Variants in TCF4 observed in about 807,000 individuals in gnomAD.
TCF4 encodes the protein transcription factor 4.
TCF4 carries 3 observed loss-of-function variants against 82.1 expected under a neutral mutation model. The observed-to-expected ratio is 0.04, with a 90% CI of 0.02 to 0.09. The LOEUF (loss-of-function observed/expected upper bound fraction) is 0.09, where lower values mean the gene tolerates loss of function less well. TCF4 is among the 10% of genes least tolerant of loss of function. The pLI is 1.00. For missense variants in TCF4, 518 were observed against 852.7 expected (o/e 0.61, Z 4.89); for synonymous variants, 276 against 309.6 (o/e 0.89, Z 1.14).
chr18:55,271,211 C>T (rs2060291477), intron 10 of TCF4, among the ~76,000 whole-genome samples: 1 of 152,062 alleles, frequency 6.6e-6, no homozygotes, highest in Non-Finnish European at 1.5e-5. Context: ...CTCTCTAGGT[C>T]CCTAATGCAC....
chr18:55,375,860 G>T (rs2090591676), intron 6 of TCF4, among the ~76,000 whole-genome samples: 1 of 152,002 alleles, frequency 6.6e-6, no homozygotes, highest in Admixed American at 6.6e-5. Context: ...TACAAATAGG[G>T]AGTAGGAGAG....
Position 55,621,045 on chromosome 18 carries a change from T to C in TCF4, c.286+10253A>G, listed in dbSNP as rs181876656. On this transcript the variant is annotated intron_variant, in intron 2 of 20. Transcript: ENST00000398339. ...CTGGTAGTAATACCAGAAATCCTTA[T>C]AAAAATAAAGAAATCAGAGCTTAGT... Among the ~76,000 whole-genome samples the C allele has an allele frequency of 2.2e-3, 342 of 152,162 alleles. 1 individual carries two copies. The highest frequency in any genetic ancestry group is 2.1e-3 in the Non-Finnish European group (144 of 67,990).
chr18:55,507,844 T>C (rs1246612408), intron 3 of TCF4, among the ~76,000 whole-genome samples: 2 of 151,844 alleles, frequency 1.3e-5, no homozygotes, highest in Non-Finnish European at 2.9e-5. Flanking sequence ...TGCTGAGGAG[T>C]TACCCTCAGC....
At chr18:55,358,002 A>G (rs886621613) in intron 6 of TCF4, among the ~76,000 whole-genome samples, 1 of 152,102 alleles carries the variant, frequency 6.6e-6, no homozygotes, top group Non-Finnish European at 1.5e-5. Context: ...TTCCTTCCAA[A>G]GCTATGCACA....
At chr18:55,296,826 T>C (rs774342181) in intron 8 of TCF4, among the ~76,000 whole-genome samples, 7 of 152,164 alleles carry the variant, frequency 4.6e-5, no homozygotes, top group Non-Finnish European at 1.0e-4. Context: ...TATAATTAAG[T>C]GTGGGGGAGT....
Position 55,471,166 on chromosome 18 carries a change from G to A in TCF4, c.146-7029C>T, listed in dbSNP as rs191076351. 5.8e-4 allele frequency among the ~76,000 whole-genome samples: 89 copies of A among 152,312 alleles called. No homozygotes were observed. The East Asian group carries it at 0.017, about 29-fold the overall frequency. ...CCCAGTATAATAAGAGCTCTAAGTAGAGTAATTTGAAGTCAAATTTGAGTA... is the reference window on the plus strand; with the variant it reads ...CCCAGTATAATAAGAGCTCTAAGTAAAGTAATTTGAAGTCAAATTTGAGTA... On this transcript the variant is annotated intron_variant, in intron 3 of 19. Transcript: ENST00000354452.
chr18:55,320,377 T>TTTA (rs1239183251), intron 8 of TCF4, among the ~76,000 whole-genome samples: 1 of 152,196 alleles, frequency 6.6e-6, no homozygotes, highest in East Asian at 1.9e-4. Flanking sequence ...CTTTTGATGA[T>TTTA]TTACTCGTAC....
chr18:55,491,941 T>C (rs1269697009), intron 3 of TCF4, among the ~76,000 whole-genome samples: 1 of 152,220 alleles, frequency 6.6e-6, no homozygotes, highest in Non-Finnish European at 1.5e-5. Flanking sequence ...AAAGGAGCTT[T>C]TTTGAATTTT....
rs1043879315 is a variant in TCF4, at chr18:55,369,684, A to G, written c.370-18681T>C. On this transcript the variant is annotated intron_variant, in intron 6 of 19. Transcript: ENST00000354452. ...AAATTTTAAAATATTTAAATATTCTAATTTTGGCATTAAGACAAAAAAAGT... is the reference window on the plus strand; with the variant it reads ...AAATTTTAAAATATTTAAATATTCTGATTTTGGCATTAAGACAAAAAAAGT... 8.5e-5 allele frequency among the ~76,000 whole-genome samples: 13 copies of G among 152,216 alleles called. 1 individual carries two copies. The South Asian group carries it at 2.7e-3, about 32-fold the overall frequency.
At chr18:55,556,665 T>G (rs2097307213) in intron 3 of TCF4, among the ~76,000 whole-genome samples, 2 of 152,334 alleles carry the variant, frequency 1.3e-5, no homozygotes, top group Non-Finnish European at 1.5e-5. Flanking sequence ...ACATGGAGAA[T>G]TTCAAAGGGA....
chr18:55,282,065 T>C (rs2062730510), intron 8 of TCF4, among the ~76,000 whole-genome samples: 1 of 152,060 alleles, frequency 6.6e-6, no homozygotes, highest in Non-Finnish European at 1.5e-5. Context: ...TTTATACATT[T>C]TCTTTATATC....
At chr18:55,593,346 A>G (rs962464499), upstream of TCF4, among the ~76,000 whole-genome samples, 4 of 152,250 alleles carry the variant, frequency 2.6e-5, no homozygotes, top group African/African-American at 9.6e-5. Flanking sequence ...GGTGCTTTGT[A>G]AATGACAAAT....
At chr18:55,495,310 GAA>G (rs775843147) in intron 3 of TCF4, among the ~76,000 whole-genome samples, 5 of 125,550 alleles carry the variant, frequency 4.0e-5, no homozygotes, top group African/African-American at 3.0e-5. Flanking sequence ...AGGTATTTGG[GAA>G]AAAAAAAAAA....
chr18:55,357,213 C>T (rs1176315009), intron 6 of TCF4, among the ~76,000 whole-genome samples: 1 of 151,980 alleles, frequency 6.6e-6, no homozygotes, highest in Non-Finnish European at 1.5e-5. Flanking sequence ...AATCCCAGGT[C>T]ATCTATTATA....
Position 55,631,948 on chromosome 18 carries a change from C to A in TCF4, c.196-560G>T, listed in dbSNP as rs1345495609. Among the ~76,000 whole-genome samples the A allele has an allele frequency of 4.6e-5, 7 of 152,312 alleles. No homozygotes were observed. In the East Asian group the frequency reaches 1.3e-3, roughly 29 times the overall value. On this transcript the variant is annotated intron_variant, in intron 1 of 20. Transcript: ENST00000398339. The stretch of plus-strand genomic sequence containing the variant: ...ATCTCATCCTTTTAGTCCCTTAACC[C>A]TAGTGGGGTAGCATCCTTCTGCAGT...
intron 6 of TCF4, among the ~76,000 whole-genome samples, chr18:55,382,156 T>C (rs984889852): frequency 6.6e-6 from 1 of 152,222 alleles, no homozygotes; most frequent in Non-Finnish European, 1.5e-5. Context: ...TATATTTGCA[T>C]GCATTTCTCT....
chr18:55,280,107 G>T (rs1171097058), intron 8 of TCF4, among the ~76,000 whole-genome samples: 2 of 152,160 alleles, frequency 1.3e-5, no homozygotes, highest in Non-Finnish European at 2.9e-5. Flanking sequence ...AGAGGAGGTA[G>T]GGAGGGGGGA....
chr18:55,313,641 C>T (rs922814530), intron 8 of TCF4, among the ~76,000 whole-genome samples: 1 of 152,032 alleles, frequency 6.6e-6, no homozygotes, highest in African/African-American at 2.4e-5. Context: ...AAATGAATTA[C>T]GGACAATGAA....
chr18:55,586,875 C>A, intron 2 of TCF4, 170 bp downstream of exon 2: 3 of 595,442 alleles, frequency 5.0e-6, no homozygotes, highest in Non-Finnish European at 8.8e-6. Flanking sequence ...TCCATCACAC[C>A]ACAAAATTAT....
Sources: gnomAD v4.1 joint callset for allele counts (sites outside exome capture counted in the v4.1 genomes callset) on GRCh38, gnomAD v4.1.1 for gene constraint, MANE v1.5 for transcripts, NCBI Gene and HGNC (gene_info 2026-07-23, HGNC 2026-07-21) for gene names.